Variants in STK24 observed in about 807,000 individuals in gnomAD.
The protein encoded by STK24 is serine/threonine kinase 24.
Under a neutral mutation model 55.6 loss-of-function variants are expected in STK24, and 21 were observed. The ratio of observed to expected loss-of-function variants is 0.38; its 90% CI spans 0.27 to 0.54. The LOEUF is 0.54. STK24 is among the 20% of genes least tolerant of loss of function. STK24 has a pLI of 0.79. For synonymous variants in STK24, 200 were observed against 215.2 expected (o/e 0.93, Z 0.62); for missense variants, 383 against 538.4 (o/e 0.71, Z 2.86).
intron 10 of STK24, 42 bp downstream of exon 10, chr13:98,457,126 A>C: frequency 6.3e-7 from 1 of 1,594,442 alleles, no homozygotes; most frequent in Non-Finnish European, 8.5e-7. Flanking sequence ...GCCCAAGTGC[A>C]GGTCTCTCCT....
At chr13:98,501,591 CA>C (rs1410327549) in intron 2 of STK24, among the ~76,000 whole-genome samples, 1 of 152,118 alleles carries the variant, frequency 6.6e-6, no homozygotes, top group Non-Finnish European at 1.5e-5. Context: ...GAATACAATT[CA>C]AGATAGGTTA....
chr13:98,517,173 C>A (rs9556966), intron 2 of STK24, among the ~76,000 whole-genome samples: 70,412 of 152,112 alleles, frequency 0.46, 17,586 homozygotes, highest in Non-Finnish European at 0.56. Context: ...CCAAAACCAT[C>A]ATAATAATTC....
intron 1 of STK24, among the ~76,000 whole-genome samples, chr13:98,569,371 C>G (rs145788175): frequency 6.8e-6 from 1 of 147,568 alleles, no homozygotes; most frequent in Non-Finnish European, 1.5e-5. Flanking sequence ...TATGCCCAAC[C>G]AACATCATGG....
At chr13:98,502,606 G>A (rs1199479000) in intron 2 of STK24, among the ~76,000 whole-genome samples, 1 of 152,128 alleles carries the variant, frequency 6.6e-6, no homozygotes, top group Non-Finnish European at 1.5e-5. Flanking sequence ...TATCGTGAGA[G>A]TGGGTCGTTA....
In STK24 at chr13:98,463,716, C is replaced by T. The variant is rs773948435; in HGVS notation, c.904G>A (p.Asp302Asn). 32 of 1,613,962 alleles carry T rather than the reference C, an allele frequency of 2.0e-5. No individual in the cohort carries two copies. The highest frequency in any genetic ancestry group is 6.7e-5 in the Admixed American group (4 of 59,996). ...KRWKAEQSHD[D>N]SSSEDSDAET... Reference sequence around the variant, plus strand: ...GCGTCGGAATCCTCGGAGCTCGAGTCGTCATGGCTCTGCTCGGCCTTCCAT... The same window carrying T: ...GCGTCGGAATCCTCGGAGCTCGAGTTGTCATGGCTCTGCTCGGCCTTCCAT... The change falls in exon 7 of 11, where the codon GAC becomes AAC. Residue 302 changes from aspartate (D) to asparagine (N), a missense_variant. By Grantham distance (23) the Asp-to-Asn change is conservative. Transcript: ENST00000539966.
intron 10 of STK24, chr13:98,455,171 A>G (rs1016092693): frequency 3.3e-5 from 5 of 152,256 alleles, no homozygotes; most frequent in African/African-American, 1.2e-4. Flanking sequence ...CTGGCAGGTT[A>G]AAAAATGTAT....
At chr13:98,529,634 TTGAC>T (rs1349144554) in intron 1 of STK24, among the ~76,000 whole-genome samples, 1 of 152,132 alleles carries the variant, frequency 6.6e-6, no homozygotes, top group Non-Finnish European at 1.5e-5. Context: ...GTGACAAAAT[TTGAC>T]TGGTGGAGAA....
In STK24 at chr13:98,445,741, C is replaced by A. The variant is rs569464022; in HGVS notation, c.*7432G>T. The A allele has an allele frequency of 5.9e-6, 1 of 169,684 alleles. No individual in the cohort carries two copies. The highest frequency in any genetic ancestry group is 1.4e-4 in the South Asian group (1 of 7,378). The allele number at this position is 169,684 out of a possible 1,614,324, so 10.5% of individuals were successfully genotyped here. ...GCTCTTCTCCTCAGGACACCACTCC[C>A]GTTGGATTTAGGGCCCACCCTACCC... On this transcript the variant is annotated 3_prime_UTR_variant, in exon 11 of 11. Coordinates refer to ENST00000539966, the MANE Select transcript of STK24 (RefSeq NM_001032296.4).
chr13:98,536,883 C>A (rs567668929), intron 1 of STK24, among the ~76,000 whole-genome samples: 1 of 106,412 alleles, frequency 9.4e-6, no homozygotes, highest in South Asian at 3.0e-4. Flanking sequence ...GTCCTCCAGC[C>A]GCCCAGCCAC....
chr13:98,448,325 A>T lies in STK24; in HGVS notation c.*4848T>A. On this transcript the variant is annotated 3_prime_UTR_variant, in exon 11 of 11. Coordinates refer to ENST00000539966, the MANE Select transcript of STK24 (RefSeq NM_001032296.4). ...GAGTCTCTTGTGTATTGATGGCCGGACACACTCGTTTCCGCAGTGGCTGCT... is the reference window on the plus strand; with the variant it reads ...GAGTCTCTTGTGTATTGATGGCCGGTCACACTCGTTTCCGCAGTGGCTGCT... The T allele has an allele frequency of 1.9e-6, 3 of 1,606,658 alleles. No homozygotes were observed. The highest frequency in any genetic ancestry group is 2.6e-6 in the Non-Finnish European group (3 of 1,173,118).
intron 1 of STK24, among the ~76,000 whole-genome samples, chr13:98,539,748 T>A (rs1190703556): frequency 2.0e-5 from 3 of 152,096 alleles, no homozygotes; most frequent in African/African-American, 7.2e-5. Context: ...CAAAATGACG[T>A]GGCCACTTCA....
rs561910795 is a variant in STK24 at position 98,472,111 on chromosome 13, C to G, written c.597+2710G>C. On this transcript the variant is annotated intron_variant, in intron 5 of 10. Transcript: ENST00000539966. ...GGGCAGCCAGGAAGAGCGCCCTTATCAGGCCCTGCTTGCGACAAGAGCTGC... is the reference window on the plus strand; with the variant it reads ...GGGCAGCCAGGAAGAGCGCCCTTATGAGGCCCTGCTTGCGACAAGAGCTGC... 4.6e-5 allele frequency among the ~76,000 whole-genome samples: 7 copies of G among 152,278 alleles called. No homozygotes were observed. In the East Asian group the frequency reaches 1.4e-3, roughly 29 times the overall value.
intron 10 of STK24, chr13:98,456,571 T>C (rs184124486): frequency 1.4e-5 from 7 of 497,236 alleles, no homozygotes; most frequent in African/African-American, 1.2e-4. Context: ...CTACAACAAG[T>C]TGGGAGGGGG....
At position 98,446,119 on chromosome 13, in the gene STK24, C is replaced by T. The variant is rs746798047; in HGVS notation, c.*7054G>A. ...TCAGAATCAGTTGTCTGGAAACCTGCTGAGGAAATTCAAAAACAGCAACGG... is the reference window on the plus strand; with the variant it reads ...TCAGAATCAGTTGTCTGGAAACCTGTTGAGGAAATTCAAAAACAGCAACGG... On this transcript the variant is annotated 3_prime_UTR_variant, in exon 11 of 11. Transcript: ENST00000539966. 39 of 1,613,850 alleles carry T rather than the reference C, an allele frequency of 2.4e-5. No individual in the cohort carries two copies. In the South Asian group the frequency reaches 3.8e-4, roughly 16 times the overall value.
intron 2 of STK24, among the ~76,000 whole-genome samples, chr13:98,493,233 CGT>C (rs889701936): frequency 6.6e-6 from 1 of 152,194 alleles, no homozygotes. Context: ...TGCGTGTGTG[CGT>C]GTGCTCGCGT....
chr13:98,525,055 A>C (rs1423899174), intron 1 of STK24, among the ~76,000 whole-genome samples: 1 of 152,268 alleles, frequency 6.6e-6, no homozygotes, highest in East Asian at 1.9e-4. Flanking sequence ...CTGCGCGGGC[A>C]GCCCTGCCCT....
intron 5 of STK24, among the ~76,000 whole-genome samples, chr13:98,474,432 C>T (rs780053234): frequency 9.9e-5 from 15 of 152,154 alleles, no homozygotes; most frequent in Non-Finnish European, 1.6e-4. Flanking sequence ...GCCGATTCCA[C>T]GCACTTGCAC....
Position 98,449,298 on chromosome 13 carries a change from GTA to G in STK24, c.*3873_*3874del, listed in dbSNP as rs968643540. 1 of 152,176 alleles carries G rather than the reference GTA, an allele frequency of 6.6e-6. No individual in the cohort carries two copies. 9.4% of individuals were successfully genotyped at this position (152,176 alleles called of 1,614,324 possible). ...GTTTGAAACTGCGCATTCTCTAGTAGTATATATCGTGCCTGTCTTCAAAAACA... is the reference window on the plus strand; with the variant it reads ...GTTTGAAACTGCGCATTCTCTAGTAGTATATCGTGCCTGTCTTCAAAAACA... On this transcript the variant is annotated 3_prime_UTR_variant, in exon 11 of 11. Transcript: ENST00000539966.
At chr13:98,524,711 G>A (rs573093542) in intron 1 of STK24, among the ~76,000 whole-genome samples, 166 of 152,330 alleles carry the variant, frequency 1.1e-3, no homozygotes, top group African/African-American at 3.9e-3. Context: ...AAACCACTGC[G>A]GGAGAAAAGT....
Sources: allele counts gnomAD v4.1 joint callset (sites outside exome capture counted in the v4.1 genomes callset), GRCh38; gene constraint gnomAD v4.1.1; transcripts MANE v1.5; gene names NCBI Gene and HGNC (gene_info 2026-07-23, HGNC 2026-07-21).